The following HIPK2 variants were observed in gnomAD, a reference collection of about 807,000 sequenced individuals.
The protein encoded by HIPK2 is homeodomain interacting protein kinase 2.
A neutral mutation model predicts 113.7 loss-of-function variants in HIPK2; 27 were observed. The ratio of observed to expected loss-of-function variants is 0.24; its 90% CI spans 0.17 to 0.33. The LOEUF is 0.33. Ranked by LOEUF, HIPK2 falls within the 10% of genes least tolerant of loss-of-function variation. The pLI is 1.00. For synonymous variants in HIPK2, 631 were observed against 642.2 expected (o/e 0.98, Z 0.26); for missense variants, 1,257 against 1,588.0 (o/e 0.79, Z 3.54).
chr7:139,590,433 T>C (rs931932876), intron 12 of HIPK2, among the ~76,000 whole-genome samples: 1 of 152,210 alleles, frequency 6.6e-6, no homozygotes, highest in Non-Finnish European at 1.5e-5. Flanking sequence ...CCCTTCCCTG[T>C]AGGGTCTTAT....
intron 12 of HIPK2, among the ~76,000 whole-genome samples, chr7:139,590,898 A>G (rs1724832142): frequency 1.3e-5 from 2 of 152,208 alleles, no homozygotes. Context: ...AGACTGCAGT[A>G]TCGTGTTATG....
chr7:139,592,949 T>G lies in HIPK2; in HGVS notation c.2717+3768A>C, dbSNP rs1343317265. Among the ~76,000 whole-genome samples, 5 of 152,284 alleles carry G rather than the reference T, an allele frequency of 3.3e-5. No individual in the cohort carries two copies. The East Asian group carries it at 9.6e-4, about 29-fold the overall frequency. ...CTGCCCTTCTTACTTTAAAAAGAGCTGACTCCGCCCTTCTCAGTGCCATGG... is the reference window on the plus strand; with the variant it reads ...CTGCCCTTCTTACTTTAAAAAGAGCGGACTCCGCCCTTCTCAGTGCCATGG... On this transcript the variant is annotated intron_variant, in intron 12 of 14. Coordinates refer to ENST00000406875, the MANE Select transcript of HIPK2 (RefSeq NM_022740.5).
At chr7:139,595,613 C>T (rs988870292) in intron 12 of HIPK2, among the ~76,000 whole-genome samples, 17 of 151,992 alleles carry the variant, frequency 1.1e-4, no homozygotes, top group African/African-American at 4.1e-4. Context: ...GGGAAGAGGA[C>T]ACTTGAATGA....
chr7:139,608,176 G>A (rs541362330), intron 9 of HIPK2, among the ~76,000 whole-genome samples: 8 of 151,858 alleles, frequency 5.3e-5, no homozygotes, highest in African/African-American at 1.4e-4. Context: ...CCCAGGAGGC[G>A]GAGGTTACAG....
In HIPK2 at chr7:139,683,957, A is replaced by ATT. The variant is rs11449172; in HGVS notation, c.1103+31973_1103+31974dup. 2.7e-5 allele frequency among the ~76,000 whole-genome samples: 4 copies of ATT among 148,974 alleles called. No homozygotes were observed. The highest frequency in any genetic ancestry group is 5.0e-5 in the African/African-American group (2 of 40,390). On this transcript the variant is annotated intron_variant, in intron 2 of 14. Transcript: ENST00000406875. The surrounding 1 kb of genome is among the most constrained non-coding windows in gnomAD (Gnocchi z 4.2). Reference sequence around the variant, plus strand: ...TTGACTGAGCTTTGCAGATACCATGATTTTTTTTTTTTACACAAATTGAAG... The same window carrying ATT: ...TTGACTGAGCTTTGCAGATACCATGATTTTTTTTTTTTTTACACAAATTGAAG...
intron 7 of HIPK2, among the ~76,000 whole-genome samples, chr7:139,617,420 TG>T (rs1474413701): frequency 6.6e-6 from 1 of 152,226 alleles, no homozygotes; most frequent in African/African-American, 2.4e-5. Context: ...AAGTGATTCC[TG>T]GAAGCAGTTG....
rs142827268 is a variant in HIPK2, at chr7:139,676,466, A to G, written c.1103+39466T>C. On this transcript the variant is annotated intron_variant, in intron 2 of 14. Coordinates refer to ENST00000406875, the MANE Select transcript of HIPK2 (RefSeq NM_022740.5). ...TCCATCACATCTTTGTGCTCACCCA[A>G]TGTGATCCATTTAACAGATATTTGT... Among the ~76,000 whole-genome samples, 187 of 152,270 alleles carry G rather than the reference A, an allele frequency of 1.2e-3. 1 individual carries two copies. Among genetic ancestry groups the G allele is most frequent in the Non-Finnish European group, 2.2e-3 (150 of 68,024 alleles).
intron 1 of HIPK2, among the ~76,000 whole-genome samples, chr7:139,776,462 T>C (rs1028620257): frequency 2.0e-5 from 3 of 152,056 alleles, no homozygotes; most frequent in African/African-American, 7.3e-5. Context: ...ATAAAACTAT[T>C]AATGCCTTCC....
chr7:139,734,562 T>C (rs1433560758), intron 1 of HIPK2, among the ~76,000 whole-genome samples: 1 of 152,232 alleles, frequency 6.6e-6, no homozygotes, highest in Non-Finnish European at 1.5e-5. Context: ...CCATGCTCCA[T>C]GACGCCACGG....
At position 139,575,135 on chromosome 7, in the gene HIPK2, A is replaced by G; in HGVS notation, c.3119T>C (p.Leu1040Pro). 3.8e-6 allele frequency: 6 copies of G among 1,593,794 alleles called. No individual in the cohort carries two copies. Among genetic ancestry groups the G allele is most frequent in the Non-Finnish European group, 5.1e-6 (6 of 1,170,734 alleles). ...GCCAGCTGTGGGGCTTACCTGGCTGAGATTGAGTGGCTGCTGCTGCTGGAA... is the reference window on the plus strand; with the variant it reads ...GCCAGCTGTGGGGCTTACCTGGCTGGGATTGAGTGGCTGCTGCTGCTGGAA... Reference protein sequence around the residue: ...PHFQQQQPLNLSQAQQHITTD... With the variant: ...PHFQQQQPLNPSQAQQHITTD... Residue 1040 changes from leucine to proline, a missense_variant, in exon 14 of 15, where the codon CTC (leucine) becomes CCC (proline). Leu to Pro is a moderately conservative substitution (Grantham distance 98). Around this residue, in one of 5 missense-constraint regions of HIPK2, gnomAD observed 862 missense variants for 1,004.3 expected, o/e 0.86. Transcript: ENST00000406875.
At chr7:139,604,670 C>T (rs576505263) in intron 9 of HIPK2, among the ~76,000 whole-genome samples, 31 of 115,312 alleles carry the variant, frequency 2.7e-4, no homozygotes, top group East Asian at 5.0e-4. Flanking sequence ...GGCGACAGAG[C>T]GAGACTCCGT....
intron 1 of HIPK2, 137 bp downstream of exon 1, chr7:139,777,468 G>A (rs980172963): frequency 5.0e-6 from 1 of 201,574 alleles, no homozygotes; most frequent in African/African-American, 2.4e-5. Flanking sequence ...GAGGGAGGGG[G>A]TCGCGGCCCC....
In HIPK2 at chr7:139,716,673, C is replaced by A. The variant is rs764670764; in HGVS notation, c.362G>T (p.Ser121Ile). ...ACATTTTTGGTAGGTATCAAGGAGG[C>A]TCACAGTGCTTCGACGCATTAGGTT... is the stretch of plus-strand genomic sequence containing the variant. ...PHNLMRRSTV[S>I]LLDTYQKCGL... The change falls in exon 2 of 15, where the codon AGC becomes ATC. Residue 121 changes from serine (S) to isoleucine (I), a missense_variant. Physicochemically the swap from Ser to Ile is moderately radical, Grantham distance 142 (BLOSUM62 -2). Around this residue, in one of 5 missense-constraint regions of HIPK2, gnomAD observed 209 missense variants for 237.8 expected, o/e 0.88. Transcript: ENST00000406875. The surrounding 1 kb of genome is among the most constrained non-coding windows in gnomAD (Gnocchi z 9.3). 1 of 1,613,914 alleles carries A rather than the reference C, an allele frequency of 6.2e-7. No homozygotes were observed.
chr7:139,760,001 AGTT>A (rs1399357183), intron 1 of HIPK2, among the ~76,000 whole-genome samples: 1 of 150,898 alleles, frequency 6.6e-6, no homozygotes, highest in Non-Finnish European at 1.5e-5. Flanking sequence ...ACATCTACCT[AGTT>A]GTTTTTTTTT....
chr7:139,760,219 T>G (rs1283064025), intron 1 of HIPK2, among the ~76,000 whole-genome samples: 1 of 152,196 alleles, frequency 6.6e-6, no homozygotes, highest in Non-Finnish European at 1.5e-5. Flanking sequence ...TTAGCCAGGA[T>G]GGTCTCAATC....
At chr7:139,609,894 A>G (rs1799753681) in intron 9 of HIPK2, among the ~76,000 whole-genome samples, 1 of 152,254 alleles carries the variant, frequency 6.6e-6, no homozygotes, top group Non-Finnish European at 1.5e-5. Context: ...TAATGGCTAC[A>G]TGGTGTTCCA....
chr7:139,577,138 TC>T (rs1798517869), intron 13 of HIPK2, among the ~76,000 whole-genome samples: 3 of 147,036 alleles, frequency 2.0e-5, no homozygotes, highest in African/African-American at 7.5e-5. Flanking sequence ...ATACTGGGCT[TC>T]CTTTTTTTTT....
intron 1 of HIPK2, among the ~76,000 whole-genome samples, chr7:139,755,011 A>G (rs2117121398): frequency 6.6e-6 from 1 of 152,226 alleles, no homozygotes; most frequent in Middle Eastern, 3.4e-3. Context: ...TTCTGTTCGG[A>G]TACTGACTCT....
intron 6 of HIPK2, among the ~76,000 whole-genome samples, chr7:139,623,535 A>G (rs948250391): frequency 3.8e-4 from 58 of 151,636 alleles, no homozygotes; most frequent in Middle Eastern, 6.8e-3. Flanking sequence ...AAAAAAAAAA[A>G]AAAGAAAAAA....
Sources: gnomAD v4.1 joint callset for allele counts (sites outside exome capture counted in the v4.1 genomes callset) on GRCh38, gnomAD v4.1.1 for gene constraint, gnomAD v4.1.1 regional missense constraint, Gnocchi (gnomAD v3.1) non-coding constraint, MANE v1.5 for transcripts, NCBI Gene and HGNC (gene_info 2026-07-23, HGNC 2026-07-21) for gene names.